ABLIM3: variants seen among roughly 807,000 people sequenced by gnomAD.
ABLIM3 encodes the protein actin-binding LIM protein 3.
ABLIM3 carries 61 observed loss-of-function variants against 109.5 expected under a neutral mutation model. The ratio of observed to expected loss-of-function variants is 0.56; its 90% CI spans 0.45 to 0.69. The LOEUF is 0.69. Among genes scored for constraint, ABLIM3 ranks in the 30% least tolerant of loss-of-function variants. The pLI is 0.00. For missense variants in ABLIM3, 796 were observed against 889.5 expected, an observed-to-expected ratio of 0.89 and a Z score of 1.34; for synonymous variants, 300 against 324.8, an observed-to-expected ratio of 0.92 and a Z score of 0.82.
At chr5:149,229,323 A>C (rs1761615790) in intron 8 of ABLIM3, among the ~76,000 whole-genome samples, 1 of 152,238 alleles carries the variant, frequency 6.6e-6, no homozygotes. Flanking sequence ...GACAAAAATC[A>C]AAGATTCTTG....
At chr5:149,223,277 G>A (rs553477364) in intron 8 of ABLIM3, among the ~76,000 whole-genome samples, 34 of 152,194 alleles carry the variant, frequency 2.2e-4, no homozygotes, top group African/African-American at 7.5e-4. Context: ...CCATTTTCTC[G>A]CCTGTCACAT....
intron 9 of ABLIM3, among the ~76,000 whole-genome samples, chr5:149,232,840 C>T (rs982079552): frequency 6.6e-6 from 1 of 152,074 alleles, no homozygotes; most frequent in Non-Finnish European, 1.5e-5. Flanking sequence ...TGTGCAATTA[C>T]GTGAAATTTA....
rs1752585906 is a variant in ABLIM3, at chr5:149,239,619, A to G, written c.1075-140A>G. 3.5e-5 allele frequency: 43 copies of G among 1,212,168 alleles called. No individual in the cohort carries two copies. The South Asian group carries it at 5.8e-4, about 16-fold the overall frequency. The allele number at this position is 1,212,168 out of a possible 1,614,324, so 75.1% of individuals were successfully genotyped here. A position where few individuals can be genotyped will look rare whatever the true frequency, so the allele number is the denominator to read the frequency against. On this transcript the variant is annotated intron_variant, in intron 12 of 23. Transcript: ENST00000309868. ...CTTCCTCGGGCTGTGTGTGTAACTC[A>G]GGGAGGAGGGGGGTCTCTGTATTCA...
chr5:149,199,498 G>A (rs1758301150), intron 4 of ABLIM3, among the ~76,000 whole-genome samples: 1 of 152,148 alleles, frequency 6.6e-6, no homozygotes, highest in Non-Finnish European at 1.5e-5. Flanking sequence ...GGTTCCTATG[G>A]TACAAGATGA....
At chr5:149,195,605 C>A (rs1439141828) in intron 3 of ABLIM3, among the ~76,000 whole-genome samples, 3 of 150,784 alleles carry the variant, frequency 2.0e-5, no homozygotes, top group East Asian at 3.9e-4. Context: ...GTGGAGTTGG[C>A]AAAGGAGACA....
At chr5:149,141,939 G>A (rs1752493470) in intron 1 of ABLIM3, 70 bp from the exon 2 acceptor site, 1 of 1,061,948 alleles carries the variant, frequency 9.4e-7, no homozygotes, top group Non-Finnish European at 1.4e-6. Context: ...CAGACAGAGA[G>A]GGGACAGCAG....
intron 5 of ABLIM3, among the ~76,000 whole-genome samples, chr5:149,203,542 T>A (rs1758681901): frequency 6.6e-6 from 1 of 151,724 alleles, no homozygotes; most frequent in Non-Finnish European, 1.5e-5. Context: ...ACTACCATCA[T>A]CACTACCATC....
intron 8 of ABLIM3, chr5:149,220,107 C>T (rs1363119186): frequency 6.6e-6 from 1 of 152,158 alleles, no homozygotes; most frequent in Non-Finnish European, 1.5e-5. Context: ...ACATGGGAAG[C>T]TCCCATTTCA....
chr5:149,199,759 G>T (rs1758324258), intron 4 of ABLIM3, among the ~76,000 whole-genome samples: 1 of 152,202 alleles, frequency 6.6e-6, no homozygotes, highest in African/African-American at 2.4e-5. Flanking sequence ...TGGTGCCAGG[G>T]ATTCTGTGTA....
intron 6 of ABLIM3, among the ~76,000 whole-genome samples, chr5:149,209,390 T>A (rs1239920907): frequency 3.9e-5 from 6 of 152,310 alleles, no homozygotes; most frequent in Non-Finnish European, 8.8e-5. Flanking sequence ...CTATGTGACC[T>A]TGGCAAGGGA....
chr5:149,244,942 C>T lies in ABLIM3; in HGVS notation c.1413C>T (p.Tyr471=). The T allele has an allele frequency of 1.2e-6, 2 of 1,614,154 alleles. No homozygotes were observed. Among genetic ancestry groups the T allele is most frequent in the Non-Finnish European group, 8.5e-7 (1 of 1,180,036 alleles). The change falls in exon 16 of 24, where the codon TAC becomes TAT. Residue 471 remains tyrosine (Y), a synonymous_variant. Coordinates refer to ENST00000309868, the MANE Select transcript of ABLIM3 (RefSeq NM_014945.5). The stretch of plus-strand genomic sequence containing the variant: ...AAGACATCAGCCAGACCTCCAAGTA[C>T]AGTCCCATCTACTCGCCAGACCCCT... ...TSEDISQTSK[Y]SPIYSPDPYY... is the part of the protein sequence containing the mutation.
At position 149,237,624 on chromosome 5, in the gene ABLIM3, C is replaced by A. The variant is rs758409346; in HGVS notation, c.1044+21C>A. 4 of 1,613,314 alleles carry A rather than the reference C, an allele frequency of 2.5e-6. No homozygotes were observed. The East Asian group carries it at 8.9e-5, about 36-fold the overall frequency. ...GAGAGGTATCGCATCTTGCCCTTCT[C>A]TCTGGGGCTATTGTAGGAAAGGAGA... On this transcript the variant is annotated intron_variant, in intron 11 of 23. Transcript: ENST00000309868.
At chr5:149,173,357 G>A (rs1326876613) in intron 2 of ABLIM3, among the ~76,000 whole-genome samples, 1 of 152,224 alleles carries the variant, frequency 6.6e-6, no homozygotes. Flanking sequence ...GCTTGCAACG[G>A]CTTCAGGAAT....
In ABLIM3 at chr5:149,244,967, T is replaced by C. The variant is rs1753203521; in HGVS notation, c.1438T>C (p.Tyr480His). ...CAGTCCCATCTACTCGCCAGACCCC[T>C]ACTATGCTTCGGAGTCTGAGTACTG... ...KYSPIYSPDP[Y>H]YASESEYWTY... The change falls in exon 16 of 24, where the codon TAC (tyrosine) becomes CAC (histidine). Residue 480 changes from tyrosine (Y) to histidine (H), a missense_variant. Coordinates refer to ENST00000309868, the MANE Select transcript of ABLIM3 (RefSeq NM_014945.5). The C allele has an allele frequency of 6.2e-7, 1 of 1,614,008 alleles. No individual in the cohort carries two copies. The highest frequency in any genetic ancestry group is 2.2e-5 in the East Asian group (1 of 44,894).
intron 2 of ABLIM3, among the ~76,000 whole-genome samples, chr5:149,155,258 A>G (rs1009710990): frequency 1.1e-4 from 16 of 152,114 alleles, no homozygotes; most frequent in African/African-American, 3.9e-4. Flanking sequence ...GGGATGGCTG[A>G]TCTTCCCGTT....
chr5:149,253,451 A>C (rs576084769), intron 23 of ABLIM3, among the ~76,000 whole-genome samples: 1 of 152,324 alleles, frequency 6.6e-6, no homozygotes, highest in South Asian at 2.1e-4. Context: ...TGCTTCCCCC[A>C]TGCTGCCAAG....
chr5:149,252,266 G>C (rs369336550), intron 22 of ABLIM3, 58 bp downstream of exon 22: 232 of 1,591,428 alleles, frequency 1.5e-4, no homozygotes, highest in Non-Finnish European at 1.8e-4. Flanking sequence ...GCTACACTGG[G>C]GATCACCAGG....
intron 2 of ABLIM3, among the ~76,000 whole-genome samples, chr5:149,156,530 T>C (rs1020102807): frequency 6.6e-6 from 1 of 152,276 alleles, no homozygotes; most frequent in South Asian, 2.1e-4. Flanking sequence ...TGTTATGATG[T>C]AGTCACCACT....
chr5:149,215,402 T>A (rs1015602361), intron 7 of ABLIM3, among the ~76,000 whole-genome samples: 1 of 152,116 alleles, frequency 6.6e-6, no homozygotes, highest in Non-Finnish European at 1.5e-5. Flanking sequence ...AAAGGAATAT[T>A]GGAGATTTTT....
Sources: allele counts gnomAD v4.1 joint callset (sites outside exome capture counted in the v4.1 genomes callset), GRCh38; gene constraint gnomAD v4.1.1; transcripts MANE v1.5; gene names NCBI Gene and HGNC (gene_info 2026-07-23, HGNC 2026-07-21).